MGAT4A: variants seen among roughly 807,000 people sequenced by gnomAD.
The protein encoded by MGAT4A is alpha-1,3-mannosyl-glycoprotein 4-beta-N-acetylglucosaminyltransferase A, also known as N-acetylglucosaminyltransferase IVa.
MGAT4A carries 33 observed loss-of-function variants against 74.1 expected under a neutral mutation model. The observed-to-expected ratio is 0.45, with a 90% CI of 0.34 to 0.60. MGAT4A has a LOEUF of 0.60. Among genes scored for constraint, MGAT4A ranks in the 20% least tolerant of loss-of-function variants. The pLI, the probability that MGAT4A is intolerant of heterozygous loss-of-function variation, is 0.02. For missense variants in MGAT4A, 479 were observed against 628.3 expected (o/e 0.76, Z 2.54); for synonymous variants, 198 against 210.4 (o/e 0.94, Z 0.51).
intron 2 of MGAT4A, among the ~76,000 whole-genome samples, chr2:98,686,590 A>G (rs949217716): frequency 8.0e-5 from 12 of 150,594 alleles, no homozygotes; most frequent in African/African-American, 2.7e-4. Context: ...TCTGCCACCC[A>G]GGCTGGAGTG....
chr2:98,680,778 AAC>A (rs1160288595), intron 2 of MGAT4A, among the ~76,000 whole-genome samples: 1 of 152,210 alleles, frequency 6.6e-6, no homozygotes, highest in Non-Finnish European at 1.5e-5. Flanking sequence ...ACTATTCCTA[AAC>A]ACAAAACTAT....
chr2:98,663,035 TA>T lies in MGAT4A; in HGVS notation c.537+10del, dbSNP rs1701773620. The T allele has an allele frequency of 6.8e-7, 1 of 1,473,608 alleles. No individual in the cohort carries two copies. Among genetic ancestry groups the T allele is most frequent in the African/African-American group, 1.4e-5 (1 of 71,150 alleles). 91.3% of individuals were successfully genotyped at this position (1,473,608 alleles called of 1,614,324 possible). A position where few individuals can be genotyped will look rare whatever the true frequency, so the allele number is the denominator to read the frequency against. On this transcript the variant is annotated intron_variant, in intron 5 of 15. Coordinates refer to ENST00000393487, the MANE Select transcript of MGAT4A (RefSeq NM_012214.3). Reference sequence around the variant, plus strand: ...TATTTGGTAAAAACATAACAACAATTAAATAATTACCTCTCCTATGAAGACT... The same window carrying T: ...TATTTGGTAAAAACATAACAACAATTAATAATTACCTCTCCTATGAAGACT...
Position 98,654,966 on chromosome 2 carries a change from T to C in MGAT4A, c.774+479A>G, listed in dbSNP as rs528088137. On this transcript the variant is annotated intron_variant, in intron 8 of 15. Coordinates refer to ENST00000393487, the MANE Select transcript of MGAT4A (RefSeq NM_012214.3). ...GACATATTGTGTTCTTGGTAAAAATTGGACTGTTGTGCTGCTAAAAATAAT... is the reference window on the plus strand; with the variant it reads ...GACATATTGTGTTCTTGGTAAAAATCGGACTGTTGTGCTGCTAAAAATAAT... 6.2e-4 allele frequency among the ~76,000 whole-genome samples: 94 copies of C among 152,284 alleles called. 1 individual carries two copies. Among genetic ancestry groups the C allele is most frequent in the South Asian group, 1.2e-3 (6 of 4,826 alleles).
At chr2:98,677,699 C>T (rs1296604196) in intron 3 of MGAT4A, among the ~76,000 whole-genome samples, 1 of 151,982 alleles carries the variant, frequency 6.6e-6, no homozygotes, top group Non-Finnish European at 1.5e-5. Context: ...ATGATCTGCC[C>T]GTCTCGGCCT....
chr2:98,723,054 C>A (rs1002718204), intron 2 of MGAT4A, among the ~76,000 whole-genome samples: 7 of 152,182 alleles, frequency 4.6e-5, no homozygotes, highest in Non-Finnish European at 7.4e-5. Flanking sequence ...ATCCAGTATA[C>A]CCCGCTGAAA....
chr2:98,621,600 C>T lies in MGAT4A; in HGVS notation c.*3966G>A. 1 of 1,522,456 alleles carries T rather than the reference C, an allele frequency of 6.6e-7. No homozygotes were observed. Among genetic ancestry groups the T allele is most frequent in the Non-Finnish European group, 8.8e-7 (1 of 1,131,624 alleles). 94.3% of individuals were successfully genotyped at this position (1,522,456 alleles called of 1,614,324 possible). A position where few individuals can be genotyped will look rare whatever the true frequency, so the allele number is the denominator to read the frequency against. ...TAATCATGGATCAAACAGGTTCCACCCATGCTCAAAGTGGGAGGATATTAT... is the reference window on the plus strand; with the variant it reads ...TAATCATGGATCAAACAGGTTCCACTCATGCTCAAAGTGGGAGGATATTAT... On this transcript the variant is annotated 3_prime_UTR_variant, in exon 16 of 16. Transcript: ENST00000393487.
chr2:98,638,316 T>G (rs1242298891), intron 12 of MGAT4A, among the ~76,000 whole-genome samples: 2 of 152,214 alleles, frequency 1.3e-5, no homozygotes, highest in African/African-American at 4.8e-5. Flanking sequence ...ATGCTATATA[T>G]TCTAGAATCC....
At chr2:98,667,189 A>G (rs781234501) in intron 4 of MGAT4A, among the ~76,000 whole-genome samples, 4 of 152,348 alleles carry the variant, frequency 2.6e-5, no homozygotes, top group African/African-American at 7.2e-5. Flanking sequence ...ATGGAACTGT[A>G]AGTCCAATTA....
Position 98,622,457 on chromosome 2 carries a change from C to A in MGAT4A, c.*3109G>T. ...ATGTGTTTTTAAAACTAGTCCCAAC[C>A]TTTGACACTTTTTCCATTTACTATT... On this transcript the variant is annotated 3_prime_UTR_variant, in exon 16 of 16. Transcript: ENST00000393487. The A allele has an allele frequency of 3.0e-6, 3 of 985,408 alleles. No individual in the cohort carries two copies. The highest frequency in any genetic ancestry group is 3.6e-6 in the Non-Finnish European group (3 of 829,932). The allele number at this position is 985,408 out of a possible 1,614,324, so 61.0% of individuals were successfully genotyped here.
At position 98,714,594 on chromosome 2, in the gene MGAT4A, C is replaced by T. The variant is rs370811050; in HGVS notation, c.94+11645G>A. 2.1e-4 allele frequency among the ~76,000 whole-genome samples: 32 copies of T among 152,148 alleles called. No homozygotes were observed. In the East Asian group the frequency reaches 2.7e-3, roughly 13 times the overall value. ...GAGAGGGACTGGAAAGATGATGCCA[C>T]GGTAGGAATGAGCACAGCAAGACTC... On this transcript the variant is annotated intron_variant, in intron 2 of 15. Coordinates refer to ENST00000393487, the MANE Select transcript of MGAT4A (RefSeq NM_012214.3).
intron 2 of MGAT4A, among the ~76,000 whole-genome samples, chr2:98,705,919 G>A (rs1277721998): frequency 7.5e-6 from 1 of 134,136 alleles, no homozygotes; most frequent in Non-Finnish European, 1.5e-5. Flanking sequence ...TCCGCAGTCC[G>A]ACCTGGGCGA....
At chr2:98,680,906 TAAG>T (rs1299174762) in intron 2 of MGAT4A, among the ~76,000 whole-genome samples, 1 of 152,108 alleles carries the variant, frequency 6.6e-6, no homozygotes, top group Non-Finnish European at 1.5e-5. Flanking sequence ...TATTCCTAAA[TAAG>T]AAGACTCAGT....
At chr2:98,641,202 A>G (rs1701403043) in intron 10 of MGAT4A, among the ~76,000 whole-genome samples, 1 of 152,004 alleles carries the variant, frequency 6.6e-6, no homozygotes, top group Non-Finnish European at 1.5e-5. Flanking sequence ...GGGCCAAAAA[A>G]AATCAAAAAA....
At chr2:98,699,624 T>C (rs1702324434) in intron 2 of MGAT4A, among the ~76,000 whole-genome samples, 1 of 152,154 alleles carries the variant, frequency 6.6e-6, no homozygotes, top group Non-Finnish European at 1.5e-5. Context: ...ATGCATAAAA[T>C]TTGTTATACC....
intron 8 of MGAT4A, 56 bp from the exon 9 acceptor site, chr2:98,645,598 A>G: frequency 1.6e-6 from 2 of 1,258,200 alleles, no homozygotes; most frequent in Non-Finnish European, 2.1e-6. Context: ...GTATTGAGAG[A>G]AGGATATTAT....
chr2:98,710,496 A>G (rs1048267801), intron 2 of MGAT4A, among the ~76,000 whole-genome samples: 1 of 152,180 alleles, frequency 6.6e-6, no homozygotes, highest in Non-Finnish European at 1.5e-5. Flanking sequence ...GTCTCACTCC[A>G]TCACCTAGGC....
chr2:98,651,890 A>G (rs1255122499), intron 8 of MGAT4A, among the ~76,000 whole-genome samples: 1 of 152,210 alleles, frequency 6.6e-6, no homozygotes, highest in East Asian at 1.9e-4. Context: ...CATGAAATCC[A>G]GAACTGAAAG....
intron 8 of MGAT4A, 68 bp from the exon 9 acceptor site, chr2:98,645,610 A>C: frequency 9.0e-7 from 1 of 1,116,072 alleles, no homozygotes; most frequent in South Asian, 2.3e-5. Context: ...GGATATTATT[A>C]TGGAAAAATA....
chr2:98,666,848 C>T (rs1274536469), intron 4 of MGAT4A, among the ~76,000 whole-genome samples: 1 of 152,174 alleles, frequency 6.6e-6, no homozygotes, highest in Non-Finnish European at 1.5e-5. Flanking sequence ...AATGCAAATT[C>T]TCTATCCCTA....
Sources: allele counts gnomAD v4.1 joint callset (sites outside exome capture counted in the v4.1 genomes callset), GRCh38; gene constraint gnomAD v4.1.1; transcripts MANE v1.5; gene names NCBI Gene and HGNC (gene_info 2026-07-23, HGNC 2026-07-21).